Variants in ATP6V0A2 observed in about 807,000 individuals in gnomAD.
ATP6V0A2 encodes V-type proton ATPase 116 kDa subunit a 2.
In ATP6V0A2, 58 loss-of-function variants were observed where a neutral mutation model predicts 104.4. That is an observed-to-expected ratio of 0.56 (90% CI 0.45 to 0.69). The LOEUF (loss-of-function observed/expected upper bound fraction) is 0.69, where lower values mean the gene tolerates loss of function less well. Among genes scored for constraint, ATP6V0A2 ranks in the 30% least tolerant of loss-of-function variants. The pLI, the probability that ATP6V0A2 is intolerant of heterozygous loss-of-function variation, is 0.00. For synonymous variants in ATP6V0A2, 376 were observed against 397.9 expected (o/e 0.95, Z 0.65); for missense variants, 938 against 1,062.9 (o/e 0.88, Z 1.63).
At chr12:123,738,187 G>A (rs1425279590) in intron 9 of ATP6V0A2, among the ~76,000 whole-genome samples, 6 of 152,058 alleles carry the variant, frequency 3.9e-5, no homozygotes, top group Non-Finnish European at 7.4e-5. Context: ...GGTGGATCAC[G>A]AGGTCAGGAG....
intron 18 of ATP6V0A2, chr12:123,756,370 G>C (rs539595378): frequency 1.3e-5 from 2 of 153,270 alleles, no homozygotes; most frequent in African/African-American, 4.9e-5. Flanking sequence ...ATAGCCAAAG[G>C]TCTGGAATTT....
Position 123,726,221 on chromosome 12 carries a change from C to T in ATP6V0A2, c.457C>T (p.Pro153Ser). The change falls in exon 5 of 20, where the codon CCT becomes TCT. Residue 153 changes from proline to serine, a missense_variant. Physicochemically the swap from Pro to Ser is moderately conservative, Grantham distance 74. Transcript: ENST00000330342. Reference sequence around the variant, plus strand: ...GTTTGAACCCACTTATGAAGAATTCCCTTCCTTAGAGAGTGATTCTTTGTT... The same window carrying T: ...GTTTGAACCCACTTATGAAGAATTCTCTTCCTTAGAGAGTGATTCTTTGTT... ...VEFEPTYEEF[P>S]SLESDSLLDY... The T allele has an allele frequency of 1.2e-6, 2 of 1,613,304 alleles. No homozygotes were observed. Among genetic ancestry groups the T allele is most frequent in the East Asian group, 2.2e-5 (1 of 44,876 alleles).
Position 123,744,438 on chromosome 12 carries a change from G to A in ATP6V0A2, c.1326+101G>A. On this transcript the variant is annotated intron_variant, in intron 11 of 19. Coordinates refer to ENST00000330342, the MANE Select transcript of ATP6V0A2 (RefSeq NM_012463.4). The surrounding 1 kb of genome is among the most constrained non-coding windows in gnomAD (Gnocchi z 5.4). The stretch of plus-strand genomic sequence containing the variant: ...GATGTTTGCTGTAGGCTGCGGCTGT[G>A]CTGGGCAGGTGTGTGGCCTGTCAGC... The A allele has an allele frequency of 6.3e-7, 1 of 1,579,582 alleles. No individual in the cohort carries two copies. The highest frequency in any genetic ancestry group is 8.7e-7 in the Non-Finnish European group (1 of 1,152,382).
At position 123,712,513 on chromosome 12, in the gene ATP6V0A2, G is replaced by C; in HGVS notation, c.-53G>C. ...ACCGGCTGAGTGTGCGGGCCCGCGC[G>C]GCTCGGAGCCGCCGCCGCCCATCGA... On this transcript the variant is annotated 5_prime_UTR_variant, in exon 1 of 20. Coordinates refer to ENST00000330342, the MANE Select transcript of ATP6V0A2 (RefSeq NM_012463.4). The C allele has an allele frequency of 7.3e-7, 1 of 1,377,480 alleles. No individual in the cohort carries two copies. Among genetic ancestry groups the C allele is most frequent in the Non-Finnish European group, 9.8e-7 (1 of 1,017,268 alleles). 85.3% of individuals were successfully genotyped at this position (1,377,480 alleles called of 1,614,324 possible).
intron 17 of ATP6V0A2, 128 bp downstream of exon 17, chr12:123,752,530 A>G: frequency 8.9e-7 from 1 of 1,121,266 alleles, no homozygotes; most frequent in South Asian, 1.5e-5. Flanking sequence ...AGCCTCCACA[A>G]CTATGAGAAA....
intron 15 of ATP6V0A2, 101 bp downstream of exon 15, chr12:123,748,886 G>A: frequency 8.5e-7 from 1 of 1,172,852 alleles, no homozygotes; most frequent in East Asian, 2.4e-5. Flanking sequence ...AGGAGCCTGG[G>A]AAGGCTGCTT....
intron 9 of ATP6V0A2, 123 bp from the exon 10 acceptor site, chr12:123,743,662 A>AG: frequency 9.1e-7 from 1 of 1,104,936 alleles, no homozygotes; most frequent in Middle Eastern, 2.4e-4. Flanking sequence ...TCAAAAAAAA[A>AG]CAAAACAAAA....
intron 4 of ATP6V0A2, among the ~76,000 whole-genome samples, chr12:123,725,467 A>T (rs1304508335): frequency 6.6e-6 from 1 of 152,218 alleles, no homozygotes; most frequent in African/African-American, 2.4e-5. Flanking sequence ...TAAAGGAAGT[A>T]AAAGAATAAT....
intron 6 of ATP6V0A2, 45 bp from the exon 7 acceptor site, chr12:123,733,881 T>C (rs766307413): frequency 2.8e-6 from 4 of 1,446,098 alleles, no homozygotes; most frequent in Non-Finnish European, 3.9e-6. Flanking sequence ...GTTCTAGAAG[T>C]TTATACACGC....
chr12:123,756,633 A>G (rs1335950695), intron 18 of ATP6V0A2, 182 bp from the exon 19 acceptor site: 2 of 624,096 alleles, frequency 3.2e-6, no homozygotes, highest in Admixed American at 2.9e-5. Flanking sequence ...TTAGTGTTTG[A>G]GACCGTCTCG....
chr12:123,715,767 A>G (rs902533611), intron 1 of ATP6V0A2, among the ~76,000 whole-genome samples: 1 of 152,232 alleles, frequency 6.6e-6, no homozygotes, highest in African/African-American at 2.4e-5. Flanking sequence ...CATTTCTCTA[A>G]TAATGTTTAA....
chr12:123,755,953 C>T (rs1365982524), intron 18 of ATP6V0A2, among the ~76,000 whole-genome samples: 1 of 151,408 alleles, frequency 6.6e-6, no homozygotes, highest in East Asian at 1.9e-4. Context: ...TGGTGGCGGG[C>T]GCCTGTAGTC....
At chr12:123,719,808 G>C (rs1439312578) in intron 2 of ATP6V0A2, among the ~76,000 whole-genome samples, 1 of 151,952 alleles carries the variant, frequency 6.6e-6, no homozygotes, top group Non-Finnish European at 1.5e-5. Flanking sequence ...AAACCATCCG[G>C]ACCACACAGG....
At chr12:123,735,294 T>C (rs539972272) in intron 7 of ATP6V0A2, among the ~76,000 whole-genome samples, 1 of 152,238 alleles carries the variant, frequency 6.6e-6, no homozygotes, top group East Asian at 1.9e-4. Flanking sequence ...CCAGGAATCA[T>C]TGAGGGCAGG....
intron 15 of ATP6V0A2, 35 bp from the exon 16 acceptor site, chr12:123,751,075 G>A (rs771387214): frequency 2.8e-5 from 45 of 1,613,876 alleles, no homozygotes; most frequent in Non-Finnish European, 3.5e-5. Flanking sequence ...AGGCCTTCAC[G>A]TTTTAATCGG....
intron 8 of ATP6V0A2, 95 bp downstream of exon 8, chr12:123,735,719 C>G (rs538695121): frequency 1.9e-6 from 2 of 1,050,168 alleles, no homozygotes; most frequent in Non-Finnish European, 2.9e-6. Flanking sequence ...TAATATTGGT[C>G]GTAGACAAAT....
At chr12:123,743,076 C>T (rs1956624532) in intron 9 of ATP6V0A2, among the ~76,000 whole-genome samples, 1 of 152,140 alleles carries the variant, frequency 6.6e-6, no homozygotes, top group Non-Finnish European at 1.5e-5. Context: ...CAAACTTCCT[C>T]TTTCTTCACC....
chr12:123,724,897 T>C (rs1462413102), intron 4 of ATP6V0A2, 106 bp downstream of exon 4: 1 of 835,714 alleles, frequency 1.2e-6, no homozygotes, highest in Admixed American at 2.5e-5. Context: ...TATAGATATG[T>C]TGCTTCTTTT....
chr12:123,750,739 C>A, intron 15 of ATP6V0A2: 1 of 317,216 alleles, frequency 3.2e-6, no homozygotes, highest in South Asian at 2.9e-5. Flanking sequence ...TCTTTATAAT[C>A]ATCAAAGAAC....
Sources: gnomAD v4.1 joint callset for allele counts (sites outside exome capture counted in the v4.1 genomes callset) on GRCh38, gnomAD v4.1.1 for gene constraint, Gnocchi (gnomAD v3.1) non-coding constraint, MANE v1.5 for transcripts, NCBI Gene and HGNC (gene_info 2026-07-23, HGNC 2026-07-21) for gene names.